The following SLC44A5 variants were observed in gnomAD, a reference collection of about 807,000 sequenced individuals.
SLC44A5 encodes the protein choline transporter-like protein 5.
A neutral mutation model predicts 101.8 loss-of-function variants in SLC44A5; 57 were observed. The ratio of observed to expected loss-of-function variants is 0.56; its 90% confidence interval spans 0.45 to 0.70. The LOEUF is 0.70. Among genes scored for constraint, SLC44A5 ranks in the 30% least tolerant of loss-of-function variants. SLC44A5 has a pLI of 0.00. For synonymous variants in SLC44A5, 281 were observed against 290.9 expected, an observed-to-expected ratio of 0.97 and a Z score of 0.35; for missense variants, 737 against 853.1, an observed-to-expected ratio of 0.86 and a Z score of 1.70.
chr1:75,621,208 A>T, the SLC44A5 span, among the ~76,000 whole-genome samples: 1 of 152,196 alleles, frequency 6.6e-6, no homozygotes, highest in African/African-American at 2.4e-5. Flanking sequence ...GACAAGGACA[A>T]AACTGGCCTC....
chr1:75,581,846 T>C (rs1310619872), intron 1 of SLC44A5, among the ~76,000 whole-genome samples: 1 of 152,230 alleles, frequency 6.6e-6, no homozygotes, highest in Non-Finnish European at 1.5e-5. Flanking sequence ...ATGTGATTTC[T>C]GAACACAGCA....
the SLC44A5 span, among the ~76,000 whole-genome samples, chr1:75,646,971 G>A: frequency 6.2e-3 from 949 of 152,332 alleles, 6 homozygotes; most frequent in Non-Finnish European, 7.3e-3. Context: ...CAAGCCAGAT[G>A]CAGACATTTG....
intron 3 of SLC44A5, among the ~76,000 whole-genome samples, chr1:75,373,327 C>T (rs1570027485): frequency 6.6e-6 from 1 of 152,008 alleles, no homozygotes; most frequent in South Asian, 2.1e-4. Flanking sequence ...AGCTCCTGGC[C>T]CTCAACAGGT....
chr1:75,314,308 G>A (rs201443205), intron 4 of SLC44A5, among the ~76,000 whole-genome samples: 3 of 152,090 alleles, frequency 2.0e-5, no homozygotes, highest in South Asian at 2.1e-4. Flanking sequence ...GTCCCGGTAC[G>A]GTAACAGAAC....
intron 12 of SLC44A5, among the ~76,000 whole-genome samples, chr1:75,233,240 C>G (rs143694067): frequency 1.2e-3 from 190 of 152,188 alleles, no homozygotes; most frequent in South Asian, 2.5e-3. Context: ...ATGGGGTACG[C>G]ATATAATTGT....
chr1:75,262,409 G>C (rs899858308), intron 6 of SLC44A5, among the ~76,000 whole-genome samples: 1 of 152,004 alleles, frequency 6.6e-6, no homozygotes, highest in African/African-American at 2.4e-5. Context: ...AAAATACCTA[G>C]GAATCCAACT....
the SLC44A5 span, among the ~76,000 whole-genome samples, chr1:75,683,931 G>T: frequency 7.3e-6 from 1 of 137,486 alleles, no homozygotes; most frequent in African/African-American, 2.5e-5. Context: ...ATTTATAGAA[G>T]ACAAAATTGA....
intron 2 of SLC44A5, among the ~76,000 whole-genome samples, chr1:75,408,513 C>A (rs1663053602): frequency 6.6e-6 from 1 of 152,064 alleles, no homozygotes; most frequent in Non-Finnish European, 1.5e-5. Context: ...CACATATATA[C>A]CATGGAATGC....
chr1:75,430,834 T>C (rs1385132064), intron 2 of SLC44A5, among the ~76,000 whole-genome samples: 1 of 152,248 alleles, frequency 6.6e-6, no homozygotes, highest in Non-Finnish European at 1.5e-5. Flanking sequence ...GAAAGATCAC[T>C]GGCCTTGAGC....
chr1:75,630,768 C>T, the SLC44A5 span, among the ~76,000 whole-genome samples: 1 of 152,086 alleles, frequency 6.6e-6, no homozygotes, highest in African/African-American at 2.4e-5. Context: ...GATGCAACTC[C>T]CCATGCTTTA....
At chr1:75,397,590 G>A (rs183860829) in intron 2 of SLC44A5, among the ~76,000 whole-genome samples, 14 of 152,216 alleles carry the variant, frequency 9.2e-5, no homozygotes, top group African/African-American at 3.4e-4. Flanking sequence ...CTATGCACCA[G>A]GTGCCATGTT....
chr1:75,287,612 G>A (rs547975762), intron 5 of SLC44A5, among the ~76,000 whole-genome samples: 163 of 152,054 alleles, frequency 1.1e-3, no homozygotes, highest in African/African-American at 3.9e-3. Flanking sequence ...AAGGGCCGCT[G>A]TTCAGATTAT....
chr1:75,626,290 G>C, the SLC44A5 span, among the ~76,000 whole-genome samples: 4 of 152,138 alleles, frequency 2.6e-5, no homozygotes, highest in African/African-American at 7.2e-5. Context: ...CAGAGTTTAA[G>C]AGATTCATAA....
At chr1:75,605,737 A>C (rs1675285757) in intron 1 of SLC44A5, among the ~76,000 whole-genome samples, 1 of 152,088 alleles carries the variant, frequency 6.6e-6, no homozygotes, top group African/African-American at 2.4e-5. Flanking sequence ...GGCAAAAAAG[A>C]AATGTCTTTA....
At chr1:75,350,229 T>C (rs1422991642) in intron 3 of SLC44A5, among the ~76,000 whole-genome samples, 1 of 151,800 alleles carries the variant, frequency 6.6e-6, no homozygotes, top group South Asian at 2.1e-4. Flanking sequence ...TGGTCTCCCT[T>C]TGCCGTGTGA....
At chr1:75,522,988 T>A (rs1339960510) in intron 2 of SLC44A5, among the ~76,000 whole-genome samples, 1 of 152,168 alleles carries the variant, frequency 6.6e-6, no homozygotes, top group Non-Finnish European at 1.5e-5. Flanking sequence ...AAGATAACCC[T>A]AGTACAAGTG....
chr1:75,356,469 AAG>A (rs1350643822), intron 3 of SLC44A5, among the ~76,000 whole-genome samples: 1 of 151,928 alleles, frequency 6.6e-6, no homozygotes, highest in Non-Finnish European at 1.5e-5. Context: ...GATATAAAGA[AAG>A]AAAATTTTTT....
At chr1:75,646,170 A>C in the SLC44A5 span, among the ~76,000 whole-genome samples, 338 of 135,372 alleles carry the variant, frequency 2.5e-3, 28 homozygotes, top group African/African-American at 7.7e-3. Context: ...TCTGTGAAGA[A>C]AGTCGTTGGT....
intron 4 of SLC44A5, among the ~76,000 whole-genome samples, chr1:75,307,872 T>A (rs567757439): frequency 1.3e-5 from 2 of 152,232 alleles, no homozygotes; most frequent in African/African-American, 4.8e-5. Flanking sequence ...TTAAAGATTA[T>A]CTTGAAGAAT....
Sources: gnomAD v4.1 joint callset for allele counts (sites outside exome capture counted in the v4.1 genomes callset) on GRCh38, gnomAD v4.1.1 for gene constraint, MANE v1.5 for transcripts, NCBI Gene and HGNC (gene_info 2026-07-23, HGNC 2026-07-21) for gene names.